The following SLC5A1 variants were observed in gnomAD, a reference collection of about 807,000 sequenced individuals.
The protein encoded by SLC5A1 is solute carrier family 5 member 1.
Under a neutral mutation model 73.5 loss-of-function variants are expected in SLC5A1, and 42 were observed. That is an observed-to-expected ratio of 0.57 (90% confidence interval 0.45 to 0.74). SLC5A1 has a LOEUF of 0.74. SLC5A1 is among the 30% of genes least tolerant of loss of function. SLC5A1 has a pLI of 0.00. For synonymous variants in SLC5A1, 300 were observed against 317.4 expected, an observed-to-expected ratio of 0.95 and a Z score of 0.58; for missense variants, 634 against 855.4, an observed-to-expected ratio of 0.74 and a Z score of 3.23.
chr22:32,098,102 G>A (rs2094029299), intron 11 of SLC5A1, among the ~76,000 whole-genome samples: 1 of 152,212 alleles, frequency 6.6e-6, no homozygotes, highest in African/African-American at 2.4e-5. Context: ...TGCTAGCAAT[G>A]CAAAACAGTA....
intron 6 of SLC5A1, 34 bp from the exon 7 acceptor site, chr22:32,083,040 C>T (rs200241465): frequency 1.0e-5 from 16 of 1,596,122 alleles, no homozygotes; most frequent in Non-Finnish European, 1.4e-5. Flanking sequence ...ACCCTCCACA[C>T]GAGGTCAGAT....
At chr22:32,053,114 CTA>C (rs1452766432) in intron 2 of SLC5A1, among the ~76,000 whole-genome samples, 1 of 152,096 alleles carries the variant, frequency 6.6e-6, no homozygotes, top group East Asian at 1.9e-4. Context: ...TTTGGTGTGG[CTA>C]TGTTTCCTCA....
chr22:32,092,306 A>G (rs1477754577), intron 11 of SLC5A1, among the ~76,000 whole-genome samples: 1 of 152,194 alleles, frequency 6.6e-6, no homozygotes, highest in Non-Finnish European at 1.5e-5. Context: ...GTAGGATTCC[A>G]TCATATGTAT....
Position 32,111,779 on chromosome 22 carries a change from T to A in SLC5A1, c.*1566T>A, listed in dbSNP as rs2094057565. The A allele has an allele frequency of 6.6e-6, 1 of 152,210 alleles. No individual in the cohort carries two copies. Among genetic ancestry groups the A allele is most frequent in the Non-Finnish European group, 1.5e-5 (1 of 68,038 alleles). The allele number at this position is 152,210 out of a possible 1,614,324, so 9.4% of individuals were successfully genotyped here. A position where few individuals can be genotyped will look rare whatever the true frequency, so the allele number is the denominator to read the frequency against. The stretch of plus-strand genomic sequence containing the variant: ...AGCAAATACAAGCAAAGCCCAACAC[T>A]CTGATTTGCATTTATGCCAATCTAA... On this transcript the variant is annotated 3_prime_UTR_variant, in exon 15 of 15. Transcript: ENST00000266088.
At chr22:32,106,713 A>C (rs778342364) in intron 14 of SLC5A1, among the ~76,000 whole-genome samples, 5 of 152,252 alleles carry the variant, frequency 3.3e-5, no homozygotes, top group Non-Finnish European at 7.3e-5. Flanking sequence ...CTGTAAGTTA[A>C]TACTTTCTTC....
Position 32,110,103 on chromosome 22 carries a change from A to C in SLC5A1, c.1885A>C (p.Lys629Gln), listed in dbSNP as rs2040792433. The C allele has an allele frequency of 1.9e-6, 3 of 1,614,106 alleles. No individual in the cohort carries two copies. Among genetic ancestry groups the C allele is most frequent in the Non-Finnish European group, 1.7e-6 (2 of 1,179,946 alleles). The change falls in exon 15 of 15, where the codon AAG (lysine) becomes CAG (glutamine). Residue 629 changes from lysine (K) to glutamine (Q), a missense_variant. Lys to Gln is a moderately conservative substitution (Grantham distance 53). Transcript: ENST00000266088. The part of the protein sequence containing the change: ...KMTEEEEKAM[K>Q]MKMTDTSEKP... ...GACTGAGGAAGAGGAGAAAGCCATG[A>C]AGATGAAGATGACGGACACCTCTGA... is the stretch of plus-strand genomic sequence containing the variant.
intron 5 of SLC5A1, among the ~76,000 whole-genome samples, chr22:32,070,136 G>A (rs1055494280): frequency 2.0e-5 from 3 of 151,328 alleles, no homozygotes; most frequent in Admixed American, 1.3e-4. Context: ...ATTGGAGGGC[G>A]ACTGGGGTAC....
chr22:32,086,141 A>C (rs965483052), intron 9 of SLC5A1, 79 bp from the exon 10 acceptor site: 94 of 351,764 alleles, frequency 2.7e-4, no homozygotes, highest in Middle Eastern at 1.2e-3. Context: ...ACTCCGTCTC[A>C]AAAAAAAAAA....
At chr22:32,104,463 C>T (rs1248469319) in intron 13 of SLC5A1, among the ~76,000 whole-genome samples, 2 of 152,248 alleles carry the variant, frequency 1.3e-5, no homozygotes, top group Non-Finnish European at 2.9e-5. Flanking sequence ...TTGCTTCCTA[C>T]TGCCAGTGCT....
intron 11 of SLC5A1, among the ~76,000 whole-genome samples, chr22:32,097,541 G>A (rs1479559719): frequency 1.3e-5 from 2 of 152,230 alleles, no homozygotes; most frequent in African/African-American, 4.8e-5. Context: ...AACTCAGCAG[G>A]AGGAGAGGTA....
At position 32,100,905 on chromosome 22, in the gene SLC5A1, G is replaced by T. The variant is rs180909230; in HGVS notation, c.1450-1117G>T. ...CCCCCGGTTCAGATTGGGAGACAGA[G>T]AACTATTGTGATTCCATGGCAGTGT... On this transcript the variant is annotated intron_variant, in intron 12 of 14. Coordinates refer to ENST00000266088, the MANE Select transcript of SLC5A1 (RefSeq NM_000343.4). 5.9e-5 allele frequency among the ~76,000 whole-genome samples: 9 copies of T among 152,250 alleles called. 1 individual carries two copies. In the South Asian group the frequency reaches 1.0e-3, roughly 18 times the overall value.
chr22:32,089,292 A>G (rs558239350), intron 10 of SLC5A1, among the ~76,000 whole-genome samples: 289 of 152,342 alleles, frequency 1.9e-3, no homozygotes, highest in Non-Finnish European at 5.1e-4. Context: ...CATTAAAAAA[A>G]CCTCGCAACA....
chr22:32,098,369 G>A (rs916508940), intron 11 of SLC5A1, among the ~76,000 whole-genome samples: 1 of 152,190 alleles, frequency 6.6e-6, no homozygotes, highest in Non-Finnish European at 1.5e-5. Flanking sequence ...CAGTGCATGT[G>A]TGTGTTTGTA....
intron 5 of SLC5A1, among the ~76,000 whole-genome samples, chr22:32,074,704 T>C (rs1200665285): frequency 6.6e-6 from 1 of 152,110 alleles, no homozygotes; most frequent in Non-Finnish European, 1.5e-5. Context: ...ATCATGATAT[T>C]AGTGGAGGCC....
At chr22:32,048,209 T>G (rs2093939728) in intron 1 of SLC5A1, among the ~76,000 whole-genome samples, 1 of 148,578 alleles carries the variant, frequency 6.7e-6, no homozygotes, top group African/African-American at 2.5e-5. Context: ...TATCAGCTAC[T>G]AACATTATTA....
At chr22:32,083,620 T>A (rs143584041) in intron 7 of SLC5A1, among the ~76,000 whole-genome samples, 2 of 152,322 alleles carry the variant, frequency 1.3e-5, no homozygotes, top group African/African-American at 2.4e-5. Context: ...ATGCCCCTAT[T>A]TGGCAAAATT....
intron 2 of SLC5A1, among the ~76,000 whole-genome samples, chr22:32,062,560 TAGTA>T (rs2093964963): frequency 6.6e-6 from 1 of 151,952 alleles, no homozygotes; most frequent in African/African-American, 2.4e-5. Flanking sequence ...GTTGGTAAAG[TAGTA>T]AGTGAGAGGT....
intron 14 of SLC5A1, among the ~76,000 whole-genome samples, chr22:32,107,852 T>C (rs1275281470): frequency 6.6e-6 from 1 of 152,152 alleles, no homozygotes; most frequent in Non-Finnish European, 1.5e-5. Context: ...ACATTCACCA[T>C]TCTCTGAGAA....
At chr22:32,084,336 T>C in intron 7 of SLC5A1, 103 bp from the exon 8 acceptor site, 1 of 971,472 alleles carries the variant, frequency 1.0e-6, no homozygotes, top group Non-Finnish European at 1.6e-6. Flanking sequence ...GAGGGCTCTG[T>C]CTGTGGGTTG....
Sources: gnomAD v4.1 joint callset for allele counts (sites outside exome capture counted in the v4.1 genomes callset) on GRCh38, gnomAD v4.1.1 for gene constraint, MANE v1.5 for transcripts, NCBI Gene and HGNC (gene_info 2026-07-23, HGNC 2026-07-21) for gene names.